TRIP12: variants seen among roughly 807,000 people sequenced by gnomAD.
TRIP12 encodes E3 ubiquitin-protein ligase TRIP12.
TRIP12 carries 25 observed loss-of-function variants against 244.2 expected under a neutral mutation model. The observed-to-expected ratio is 0.10, with a 90% confidence interval of 0.07 to 0.14. The LOEUF (loss-of-function observed/expected upper bound fraction) is 0.14. Among genes scored for constraint, TRIP12 ranks in the 10% least tolerant of loss-of-function variants. The pLI, the probability that TRIP12 is intolerant of heterozygous loss-of-function variation, is 1.00. For missense variants in TRIP12, 1,677 were observed against 2,486.4 expected, an observed-to-expected ratio of 0.67 and a Z score of 6.92; for synonymous variants, 905 against 873.1, an observed-to-expected ratio of 1.04 and a Z score of -0.64.
At chr2:229,905,295 T>C (rs1232672097) in intron 1 of TRIP12, among the ~76,000 whole-genome samples, 3 of 148,502 alleles carry the variant, frequency 2.0e-5, no homozygotes, top group Admixed American at 1.3e-4. Flanking sequence ...AAAAAAAGTG[T>C]ATTTAAAAAG....
intron 1 of TRIP12, among the ~76,000 whole-genome samples, chr2:229,882,730 T>A (rs2154355721): frequency 6.6e-6 from 1 of 152,332 alleles, no homozygotes; most frequent in East Asian, 1.9e-4. Context: ...CCTTCTGCTA[T>A]TAAACGCCTA....
intron 24 of TRIP12, 57 bp from the exon 25 acceptor site, chr2:229,796,839 A>C: frequency 1.4e-6 from 2 of 1,433,874 alleles, no homozygotes; most frequent in Non-Finnish European, 1.9e-6. Context: ...TAAAAAATAC[A>C]CAACTCACAT....
chr2:229,860,314 C>G, intron 3 of TRIP12, 92 bp downstream of exon 3: 2 of 1,448,664 alleles, frequency 1.4e-6, no homozygotes, highest in South Asian at 1.5e-5. Context: ...TGTATCAAAA[C>G]GTTTTGGAAT....
intron 2 of TRIP12, among the ~76,000 whole-genome samples, chr2:229,876,681 A>G (rs2063640443): frequency 6.6e-6 from 1 of 152,168 alleles, no homozygotes; most frequent in Admixed American, 6.5e-5. Context: ...ATTTTTTGAG[A>G]CAGGGTCTTT....
chr2:229,793,900 G>T (rs1190853787), intron 26 of TRIP12, among the ~76,000 whole-genome samples: 2 of 150,838 alleles, frequency 1.3e-5, no homozygotes, highest in Non-Finnish European at 2.9e-5. Flanking sequence ...TGTATTTTAT[G>T]TGGCCCAAGA....
chr2:229,903,701 G>A (rs1292517783), intron 1 of TRIP12, among the ~76,000 whole-genome samples: 1 of 151,982 alleles, frequency 6.6e-6, no homozygotes, highest in Non-Finnish European at 1.5e-5. Flanking sequence ...CAAAAGATAA[G>A]GGAGGAAAAT....
At chr2:229,920,769 G>T (rs571097090) in intron 1 of TRIP12, among the ~76,000 whole-genome samples, 1 of 152,206 alleles carries the variant, frequency 6.6e-6, no homozygotes, top group Non-Finnish European at 1.5e-5. Flanking sequence ...TCTAGGAAAT[G>T]AAGGATTTCT....
At chr2:229,850,368 C>A (rs1361694581) in intron 4 of TRIP12, among the ~76,000 whole-genome samples, 1 of 152,178 alleles carries the variant, frequency 6.6e-6, no homozygotes, top group African/African-American at 2.4e-5. Flanking sequence ...ATTGGAACTT[C>A]TAAACTTTTA....
chr2:229,855,208 A>T (rs2059384953), intron 4 of TRIP12, among the ~76,000 whole-genome samples: 1 of 152,124 alleles, frequency 6.6e-6, no homozygotes, highest in Non-Finnish European at 1.5e-5. Flanking sequence ...CAGAGACTGC[A>T]GTAAGCTGAG....
chr2:229,834,399 A>C (rs1438942532), intron 6 of TRIP12, among the ~76,000 whole-genome samples: 1 of 152,242 alleles, frequency 6.6e-6, no homozygotes, highest in Non-Finnish European at 1.5e-5. Flanking sequence ...CTTTAGTACC[A>C]CTAGCATTTG....
chr2:229,888,451 T>TA (rs889079282), intron 1 of TRIP12, among the ~76,000 whole-genome samples: 10 of 148,894 alleles, frequency 6.7e-5, no homozygotes, highest in Non-Finnish European at 9.0e-5. Flanking sequence ...AAGGAAAACA[T>TA]AAAAAAAAAG....
chr2:229,860,837 A>G (rs1288680249), intron 2 of TRIP12, among the ~76,000 whole-genome samples: 1 of 152,188 alleles, frequency 6.6e-6, no homozygotes, highest in African/African-American at 2.4e-5. Flanking sequence ...TAGTGCAGAT[A>G]TTCAAATATG....
At chr2:229,852,752 G>C (rs1300274799) in intron 4 of TRIP12, among the ~76,000 whole-genome samples, 1 of 152,154 alleles carries the variant, frequency 6.6e-6, no homozygotes, top group Non-Finnish European at 1.5e-5. Context: ...TAGATCTTCT[G>C]CCAGCCCTAG....
Position 229,792,138 on chromosome 2 carries a change from A to G in TRIP12, c.4215+15T>C, listed in dbSNP as rs1240773718. On this transcript the variant is annotated intron_variant, in intron 28 of 41. Transcript: ENST00000675903. ...TATATAGTACATTATACATGGTGGG[A>G]ATATAGTACCTTACCAGAGACTCAT... 1 of 1,614,064 alleles carries G rather than the reference A, an allele frequency of 6.2e-7. No individual in the cohort carries two copies. Among genetic ancestry groups the G allele is most frequent in the African/African-American group, 1.3e-5 (1 of 75,036 alleles).
At chr2:229,894,735 C>T (rs2162523) in intron 1 of TRIP12, among the ~76,000 whole-genome samples, 1 of 152,192 alleles carries the variant, frequency 6.6e-6, no homozygotes, top group African/African-American at 2.4e-5. Flanking sequence ...ACTTCAAATC[C>T]TACTGATCAC....
chr2:229,884,831 C>T (rs575833777), intron 1 of TRIP12, among the ~76,000 whole-genome samples: 2 of 152,096 alleles, frequency 1.3e-5, no homozygotes, highest in African/African-American at 4.8e-5. Flanking sequence ...ATTAGCCAGG[C>T]AGGACGGTGC....
chr2:229,800,494 T>C (rs944213577), intron 21 of TRIP12, among the ~76,000 whole-genome samples: 4 of 152,100 alleles, frequency 2.6e-5, no homozygotes, highest in Non-Finnish European at 5.9e-5. Context: ...ACACCTGACA[T>C]TTCTATGGAA....
At chr2:229,860,145 G>A (rs1271158924) in intron 3 of TRIP12, among the ~76,000 whole-genome samples, 1 of 151,950 alleles carries the variant, frequency 6.6e-6, no homozygotes, top group Non-Finnish European at 1.5e-5. Flanking sequence ...ATAAAAAATG[G>A]CCATAATGGT....
intron 1 of TRIP12, among the ~76,000 whole-genome samples, chr2:229,898,521 G>A (rs558152428): frequency 1.3e-5 from 2 of 152,100 alleles, no homozygotes; most frequent in South Asian, 4.2e-4. Context: ...AACTCCAGTC[G>A]CCTGACTCTC....
Sources: gnomAD v4.1 joint callset for allele counts (sites outside exome capture counted in the v4.1 genomes callset) on GRCh38, gnomAD v4.1.1 for gene constraint, MANE v1.5 for transcripts, NCBI Gene and HGNC (gene_info 2026-07-23, HGNC 2026-07-21) for gene names.